APAF1: variants seen among roughly 807,000 people sequenced by gnomAD.
The protein encoded by APAF1 is apoptotic protease-activating factor 1.
A neutral mutation model predicts 152.4 loss-of-function variants in APAF1; 91 were observed. That is an observed-to-expected ratio of 0.60 (90% CI 0.50 to 0.71). The LOEUF is 0.71. Among genes scored for constraint, APAF1 ranks in the 30% least tolerant of loss-of-function variants. APAF1 has a pLI of 0.00. For synonymous variants in APAF1, 484 were observed against 494.1 expected, an observed-to-expected ratio of 0.98 and a Z score of 0.27; for missense variants, 1,283 against 1,472.0, an observed-to-expected ratio of 0.87 and a Z score of 2.10.
At chr12:98,669,877 T>G in intron 10 of APAF1, among the ~76,000 whole-genome samples, 3 of 140,072 alleles carry the variant, frequency 2.1e-5, no homozygotes, top group South Asian at 5.2e-4. Flanking sequence ...CCTCCCTCCC[T>G]TCCCCTCCCC....
At chr12:98,702,771 G>A (rs2097716980) in intron 17 of APAF1, among the ~76,000 whole-genome samples, 1 of 151,474 alleles carries the variant, frequency 6.6e-6, no homozygotes, top group Non-Finnish European at 1.5e-5. Context: ...GTTGCAGTGA[G>A]CTGAGATCGC....
intron 4 of APAF1, among the ~76,000 whole-genome samples, chr12:98,654,600 G>A (rs954101829): frequency 6.6e-6 from 1 of 151,818 alleles, no homozygotes; most frequent in Non-Finnish European, 1.5e-5. Context: ...TAGAGATGGG[G>A]TTTCACCATG....
intron 19 of APAF1, among the ~76,000 whole-genome samples, chr12:98,707,997 A>T (rs1275824951): frequency 6.6e-6 from 1 of 152,130 alleles, no homozygotes; most frequent in African/African-American, 2.4e-5. Flanking sequence ...CCCAGGCTGG[A>T]GTGCAATGGC....
rs1202967772 is a variant in APAF1, at chr12:98,732,780, G to A, written c.*214G>A. 1.9e-6 allele frequency: 1 copy of A among 526,682 alleles called. No homozygotes were observed. The highest frequency in any genetic ancestry group is 2.2e-5 in the South Asian group (1 of 45,478). The allele number at this position is 526,682 out of a possible 1,614,324, so 32.6% of individuals were successfully genotyped here. The stretch of plus-strand genomic sequence containing the variant: ...TTGTTTTTCATGATCATCATTAACA[G>A]TTTGTCCTTAGGATGCAAATGAAAA... On this transcript the variant is annotated 3_prime_UTR_variant, in exon 27 of 27. Coordinates refer to ENST00000551964, the MANE Select transcript of APAF1 (RefSeq NM_181861.2).
intron 4 of APAF1, among the ~76,000 whole-genome samples, chr12:98,653,691 A>AAATATATAT (rs2097652376): frequency 6.6e-5 from 1 of 15,102 alleles, no homozygotes; most frequent in Non-Finnish European, 1.3e-4. Flanking sequence ...AAAAAAAAAA[A>AAATATATAT]ATATATATAT....
rs143989803 is a variant in APAF1, at chr12:98,687,028, C to T, written c.2304+155C>T. Among the ~76,000 whole-genome samples the T allele has an allele frequency of 1.8e-3, 274 of 152,276 alleles. 1 individual carries two copies. Among genetic ancestry groups the T allele is most frequent in the African/African-American group, 6.2e-3 (256 of 41,540 alleles). ...ATTTAATGTAACTGTAATTGCTTAT[C>T]GTAATGATTGTTTATGAATGGTGTA... On this transcript the variant is annotated intron_variant, in intron 16 of 26. Transcript: ENST00000551964.
intron 23 of APAF1, 62 bp from the exon 24 acceptor site, chr12:98,723,577 C>A: frequency 6.9e-7 from 1 of 1,442,898 alleles, no homozygotes; most frequent in African/African-American, 1.5e-5. Context: ...GCTGATTATG[C>A]TTTTTAATAT....
chr12:98,707,978 G>A (rs1012162570), intron 19 of APAF1, among the ~76,000 whole-genome samples: 2 of 152,052 alleles, frequency 1.3e-5, no homozygotes, highest in Non-Finnish European at 2.9e-5. Context: ...ACGGAGTCTC[G>A]CTCTGTCGCC....
intron 25 of APAF1, among the ~76,000 whole-genome samples, chr12:98,726,055 T>C (rs1866477): frequency 6.6e-6 from 1 of 152,054 alleles, no homozygotes; most frequent in East Asian, 1.9e-4. Flanking sequence ...TCCGTCATTG[T>C]GGGGCAGCGA....
chr12:98,712,574 T>G, intron 21 of APAF1, 139 bp downstream of exon 21: 1 of 659,852 alleles, frequency 1.5e-6, no homozygotes, highest in Non-Finnish European at 2.7e-6. Flanking sequence ...CTGAGTACAG[T>G]GACACGATCA....
At chr12:98,653,673 AAAAAAAAAAAAAAAAAAAATATATATAT>A (rs1250317311) in intron 4 of APAF1, among the ~76,000 whole-genome samples, 2 of 58,288 alleles carry the variant, frequency 3.4e-5, no homozygotes, top group African/African-American at 1.2e-4. Context: ...AAAAAAAAAA[AAAAAAAAAAAAAAAAAAAATATATATAT>A]ATATATATAT....
intron 16 of APAF1, among the ~76,000 whole-genome samples, 165 bp downstream of exon 16, chr12:98,687,038 G>A (rs2097698731): frequency 6.6e-6 from 1 of 152,212 alleles, no homozygotes; most frequent in East Asian, 1.9e-4. Context: ...CGTAATGATT[G>A]TTTATGAATG....
chr12:98,674,704 G>A (rs1381481418), intron 12 of APAF1, among the ~76,000 whole-genome samples: 2 of 152,168 alleles, frequency 1.3e-5, no homozygotes, highest in African/African-American at 4.8e-5. Context: ...TGTATCATAA[G>A]GGGAAAGTTA....
In APAF1 at chr12:98,704,746, T is replaced by C. The variant is rs186017926; in HGVS notation, c.2595+1247T>C. On this transcript the variant is annotated intron_variant, in intron 18 of 26. Coordinates refer to ENST00000551964, the MANE Select transcript of APAF1 (RefSeq NM_181861.2). ...GTAGGGTGCTGTGGGCAGTGTTTTGTTGGGCAGAGACTTTGAATTGGAAGT... is the reference window on the plus strand; with the variant it reads ...GTAGGGTGCTGTGGGCAGTGTTTTGCTGGGCAGAGACTTTGAATTGGAAGT... Among the ~76,000 whole-genome samples, 14 of 152,274 alleles carry C rather than the reference T, an allele frequency of 9.2e-5. No homozygotes were observed. The East Asian group carries it at 2.7e-3, about 29-fold the overall frequency.
intron 21 of APAF1, among the ~76,000 whole-genome samples, 172 bp from the exon 22 acceptor site, chr12:98,715,255 T>TG (rs1477346793): frequency 8.3e-6 from 1 of 120,900 alleles, no homozygotes; most frequent in Admixed American, 8.2e-5. Flanking sequence ...TATATATATA[T>TG]ATATATATAT....
chr12:98,683,845 G>A (rs1218290108), intron 15 of APAF1, among the ~76,000 whole-genome samples: 1 of 152,222 alleles, frequency 6.6e-6, no homozygotes. Context: ...TAATTCAAAA[G>A]AGAGTTCTGT....
Position 98,645,429 on chromosome 12 carries a change from G to A in APAF1, c.-448G>A, listed in dbSNP as rs1238124302. On this transcript the variant is annotated 5_prime_UTR_variant, in exon 1 of 27. Transcript: ENST00000551964. ...CGCAGCGGCATCCGGAGTAGCGCCG[G>A]GCTCCCTCCGGGGTGCAGCCGCCGT... The A allele has an allele frequency of 3.3e-5, 5 of 152,468 alleles. No individual in the cohort carries two copies. The highest frequency in any genetic ancestry group is 2.1e-4 in the South Asian group (1 of 4,834). The allele number at this position is 152,468 out of a possible 1,614,324, so 9.4% of individuals were successfully genotyped here.
At chr12:98,659,408 C>A in intron 5 of APAF1, 65 bp downstream of exon 5, 1 of 1,491,264 alleles carries the variant, frequency 6.7e-7, no homozygotes, top group Non-Finnish European at 9.4e-7. Context: ...AACTACTGAC[C>A]TCTTGAGAAC....
intron 17 of APAF1, among the ~76,000 whole-genome samples, chr12:98,699,972 CAA>C (rs938918157): frequency 6.6e-6 from 1 of 152,070 alleles, no homozygotes; most frequent in African/African-American, 2.4e-5. Flanking sequence ...GGTGATTTTT[CAA>C]AGTGTTTTCT....
Sources: gnomAD v4.1 joint callset for allele counts (sites outside exome capture counted in the v4.1 genomes callset) on GRCh38, gnomAD v4.1.1 for gene constraint, MANE v1.5 for transcripts, NCBI Gene and HGNC (gene_info 2026-07-23, HGNC 2026-07-21) for gene names.